Variants in KIF5C observed in about 807,000 individuals in gnomAD.
KIF5C encodes kinesin heavy chain isoform 5C.
A neutral mutation model predicts 125.2 loss-of-function variants in KIF5C; 18 were observed. The ratio of observed to expected loss-of-function variants is 0.14; its 90% CI spans 0.10 to 0.21. KIF5C has a LOEUF of 0.21. KIF5C is among the 10% of genes least tolerant of loss of function. The pLI is 1.00. For missense variants in KIF5C, 780 were observed against 1,183.8 expected (o/e 0.66, Z 5.01); for synonymous variants, 405 against 434.0 (o/e 0.93, Z 0.83).
At chr2:148,910,440 A>T (rs889329769) in intron 1 of KIF5C, among the ~76,000 whole-genome samples, 1 of 152,236 alleles carries the variant, frequency 6.6e-6, no homozygotes, top group African/African-American at 2.4e-5. Flanking sequence ...TGCCCCAGGT[A>T]AAACATAGGG....
At chr2:148,944,671 C>T (rs549897987) in intron 7 of KIF5C, among the ~76,000 whole-genome samples, 3 of 152,142 alleles carry the variant, frequency 2.0e-5, no homozygotes, top group Non-Finnish European at 1.5e-5. Context: ...GTGGAATTTT[C>T]GGATCTCATG....
chr2:148,904,455 C>T (rs373682223), intron 1 of KIF5C, among the ~76,000 whole-genome samples: 21 of 152,190 alleles, frequency 1.4e-4, no homozygotes, highest in African/African-American at 1.2e-4. Context: ...TGAGGAGTGT[C>T]GTGCTGCGTT....
intron 1 of KIF5C, among the ~76,000 whole-genome samples, chr2:148,886,999 C>G (rs1351115481): frequency 6.6e-6 from 1 of 152,196 alleles, no homozygotes; most frequent in Non-Finnish European, 1.5e-5. Flanking sequence ...TCTTTGATAG[C>G]TACTTCCTTA....
At chr2:149,004,541 T>C (rs1681948357) in intron 21 of KIF5C, among the ~76,000 whole-genome samples, 1 of 152,186 alleles carries the variant, frequency 6.6e-6, no homozygotes, top group African/African-American at 2.4e-5. Flanking sequence ...TAAGGTTTCA[T>C]TTGTAGAAAA....
At chr2:149,008,516 A>ACC (rs1335473370) in intron 23 of KIF5C, among the ~76,000 whole-genome samples, 1 of 152,024 alleles carries the variant, frequency 6.6e-6, no homozygotes, top group East Asian at 1.9e-4. Context: ...CCGTGGGAGG[A>ACC]CCGGGACTGG....
At chr2:148,919,743 G>A (rs758690665) in intron 1 of KIF5C, among the ~76,000 whole-genome samples, 71 of 152,058 alleles carry the variant, frequency 4.7e-4, no homozygotes, top group Non-Finnish European at 7.6e-4. Context: ...AATCTCTTCC[G>A]AGACTTTAAG....
chr2:148,962,443 T>G (rs1209863613), intron 11 of KIF5C, among the ~76,000 whole-genome samples: 1 of 151,578 alleles, frequency 6.6e-6, no homozygotes. Flanking sequence ...CCTCCCAAAG[T>G]GCTGGGATTA....
In KIF5C at chr2:148,875,575, G is replaced by GGCCCCCC; in HGVS notation, c.-43_-42insGCCCCCC. ...TCCTCCCTCGTCGTTCCCGGCCCCG[G>GGCCCCCC]CCCCCCACCCATCCCCGTGCCCCCT... is the stretch of plus-strand genomic sequence containing the variant. On this transcript the variant is annotated 5_prime_UTR_variant, in exon 1 of 26. Transcript: ENST00000435030. The GGCCCCCC allele has an allele frequency of 4.9e-5, 34 of 699,540 alleles. No individual in the cohort carries two copies. The highest frequency in any genetic ancestry group is 1.2e-4 in the East Asian group (4 of 33,458). 43.3% of individuals were successfully genotyped at this position (699,540 alleles called of 1,614,324 possible). A position where few individuals can be genotyped will look rare whatever the true frequency, so the allele number is the denominator to read the frequency against.
chr2:148,963,240 C>T, intron 11 of KIF5C, among the ~76,000 whole-genome samples: 1 of 150,764 alleles, frequency 6.6e-6, no homozygotes. Context: ...AGTTGTTCTT[C>T]AGGTCCTCTG....
At chr2:148,881,602 C>A (rs1681356348) in intron 1 of KIF5C, among the ~76,000 whole-genome samples, 1 of 152,060 alleles carries the variant, frequency 6.6e-6, no homozygotes, top group Non-Finnish European at 1.5e-5. Flanking sequence ...CCCTCTGCCT[C>A]ACCTGTGCTT....
In KIF5C at chr2:149,018,554, T is replaced by A. The variant is rs1682437370; in HGVS notation, c.*8-4524T>A. Among the ~76,000 whole-genome samples, 4 of 152,168 alleles carry A rather than the reference T, an allele frequency of 2.6e-5. 1 individual carries two copies. Among genetic ancestry groups the A allele is most frequent in the South Asian group, 4.1e-4 (2 of 4,832 alleles). ...TCTTAAAAAGGATCAATAGACTGGG[T>A]ATGGTGGCTCACGCCTATAATCCCA... On this transcript the variant is annotated intron_variant, in intron 25 of 25. Coordinates refer to ENST00000435030, the MANE Select transcript of KIF5C (RefSeq NM_004522.3).
chr2:148,975,019 T>C (rs1203311010), intron 12 of KIF5C, among the ~76,000 whole-genome samples: 1 of 152,234 alleles, frequency 6.6e-6, no homozygotes, highest in Non-Finnish European at 1.5e-5. Flanking sequence ...AGTTGGTAGC[T>C]GAAGAGCTGG....
chr2:148,983,334 A>G (rs1681287462), intron 14 of KIF5C, among the ~76,000 whole-genome samples: 1 of 152,226 alleles, frequency 6.6e-6, no homozygotes, highest in South Asian at 2.1e-4. Context: ...TACATGTTAT[A>G]AATTTAAGGA....
At chr2:148,920,902 C>T (rs1009387496) in intron 1 of KIF5C, among the ~76,000 whole-genome samples, 1 of 152,212 alleles carries the variant, frequency 6.6e-6, no homozygotes, top group Non-Finnish European at 1.5e-5. Context: ...GCTCTTGGCT[C>T]TGCTCTCTCC....
intron 11 of KIF5C, among the ~76,000 whole-genome samples, chr2:148,966,199 C>T (rs1346092926): frequency 1.3e-5 from 2 of 152,168 alleles, no homozygotes; most frequent in Non-Finnish European, 2.9e-5. Context: ...ATGGCAGTCT[C>T]CACGAGTTAA....
intron 1 of KIF5C, among the ~76,000 whole-genome samples, chr2:148,911,204 G>A (rs1194234755): frequency 5.3e-5 from 8 of 152,138 alleles, no homozygotes; most frequent in South Asian, 2.1e-4. Flanking sequence ...GTATGGAAAC[G>A]GAAGGTGCAA....
In KIF5C at chr2:149,023,771, G is replaced by A. The variant is rs77256108; in HGVS notation, c.*701G>A. The A allele has an allele frequency of 1.3e-4, 20 of 152,302 alleles. 1 individual carries two copies. The highest frequency in any genetic ancestry group is 6.8e-3 in the Middle Eastern group (2 of 294). The allele number at this position is 152,302 out of a possible 1,614,324, so 9.4% of individuals were successfully genotyped here. On this transcript the variant is annotated 3_prime_UTR_variant, in exon 26 of 26. Coordinates refer to ENST00000435030, the MANE Select transcript of KIF5C (RefSeq NM_004522.3). ...AAAAAGTCATAAAATTCACCTCCGAGCTGCTTGCTTTTGAACCTGCAGCAA... is the reference window on the plus strand; with the variant it reads ...AAAAAGTCATAAAATTCACCTCCGAACTGCTTGCTTTTGAACCTGCAGCAA...
chr2:149,007,945 C>A lies in KIF5C; in HGVS notation c.2446-18C>A, dbSNP rs1293640828. On this transcript the variant is annotated intron_variant, in intron 22 of 25. Coordinates refer to ENST00000435030, the MANE Select transcript of KIF5C (RefSeq NM_004522.3). ...GTGGGTGACAGCCTGTCCTGCTGAC[C>A]CCTTGGTGTCAATGCAGAGTGTGGA... 2 of 1,573,498 alleles carry A rather than the reference C, an allele frequency of 1.3e-6. No homozygotes were observed. Among genetic ancestry groups the A allele is most frequent in the South Asian group, 1.2e-5 (1 of 85,144 alleles).
chr2:148,922,356 C>G, intron 2 of KIF5C, 129 bp downstream of exon 2: 1 of 568,038 alleles, frequency 1.8e-6, no homozygotes, highest in East Asian at 3.0e-5. Context: ...ACACTGAATT[C>G]TATAGCCTCG....
Sources: gnomAD v4.1 joint callset for allele counts (sites outside exome capture counted in the v4.1 genomes callset) on GRCh38, gnomAD v4.1.1 for gene constraint, MANE v1.5 for transcripts, NCBI Gene and HGNC (gene_info 2026-07-23, HGNC 2026-07-21) for gene names.